FAM120A: variants seen among roughly 807,000 people sequenced by gnomAD.
FAM120A encodes family with sequence similarity 120 member A.
FAM120A carries 15 observed loss-of-function variants against 109.7 expected under a neutral mutation model. The ratio of observed to expected loss-of-function variants is 0.14; its 90% CI spans 0.09 to 0.21. The LOEUF (loss-of-function observed/expected upper bound fraction) is 0.21. Ranked by LOEUF, FAM120A falls within the 10% of genes least tolerant of loss-of-function variation. The pLI, the probability that FAM120A is intolerant of heterozygous loss-of-function variation, is 1.00. For missense variants in FAM120A, 899 were observed against 1,439.3 expected (o/e 0.62, Z 6.07); for synonymous variants, 493 against 572.8 (o/e 0.86, Z 1.99).
chr9:93,504,431 G>A (rs142525415), intron 5 of FAM120A, among the ~76,000 whole-genome samples: 6 of 152,124 alleles, frequency 3.9e-5, no homozygotes, highest in Admixed American at 1.3e-4. Flanking sequence ...ATATGTCTTC[G>A]CTGGTTGCAT....
chr9:93,511,223 C>T (rs1270253553), intron 5 of FAM120A, among the ~76,000 whole-genome samples: 2 of 152,212 alleles, frequency 1.3e-5, no homozygotes, highest in African/African-American at 2.4e-5. Flanking sequence ...ACTTAGCCTT[C>T]TTCAAGCTGA....
At chr9:93,509,902 T>C (rs2131385977) in intron 5 of FAM120A, among the ~76,000 whole-genome samples, 1 of 152,352 alleles carries the variant, frequency 6.6e-6, no homozygotes, top group South Asian at 2.1e-4. Context: ...CTCATACATA[T>C]GGAATAATTA....
intron 12 of FAM120A, among the ~76,000 whole-genome samples, chr9:93,554,851 A>G (rs1345425027): frequency 6.6e-6 from 1 of 152,178 alleles, no homozygotes; most frequent in Admixed American, 6.5e-5. Flanking sequence ...AGAGAGGGGC[A>G]CGGAGGCCCC....
intron 4 of FAM120A, among the ~76,000 whole-genome samples, chr9:93,497,896 TCTTAA>T (rs530620669): frequency 1.3e-5 from 2 of 152,214 alleles, no homozygotes; most frequent in Non-Finnish European, 2.9e-5. Context: ...AAGTTCTCGA[TCTTAA>T]CTTAATAGGA....
At chr9:93,480,426 A>G (rs1165966663) in intron 3 of FAM120A, among the ~76,000 whole-genome samples, 1 of 152,074 alleles carries the variant, frequency 6.6e-6, no homozygotes, top group Non-Finnish European at 1.5e-5. Flanking sequence ...CTCTGTCTCT[A>G]CCCAGGCCCA....
chr9:93,553,640 C>G (rs1258270052), intron 12 of FAM120A, among the ~76,000 whole-genome samples: 1 of 152,034 alleles, frequency 6.6e-6, no homozygotes, highest in Non-Finnish European at 1.5e-5. Context: ...TATTTTATCT[C>G]AATTGATATA....
intron 2 of FAM120A, among the ~76,000 whole-genome samples, chr9:93,474,719 G>A (rs993080115): frequency 6.6e-6 from 1 of 151,986 alleles, no homozygotes; most frequent in African/African-American, 2.4e-5. Flanking sequence ...TCAGCCTCCC[G>A]AGTAGCTGGG....
chr9:93,485,618 A>G (rs1187163471), intron 3 of FAM120A, among the ~76,000 whole-genome samples: 1 of 152,090 alleles, frequency 6.6e-6, no homozygotes, highest in Non-Finnish European at 1.5e-5. Context: ...AAAAAGAAGC[A>G]GAGGGCTTGC....
chr9:93,496,119 A>G (rs1208243895), intron 3 of FAM120A, among the ~76,000 whole-genome samples: 1 of 152,146 alleles, frequency 6.6e-6, no homozygotes, highest in Non-Finnish European at 1.5e-5. Flanking sequence ...TCTAATTCTG[A>G]TTCTCTTGCT....
At chr9:93,557,224 G>A (rs1862316679) in intron 13 of FAM120A, among the ~76,000 whole-genome samples, 1 of 147,904 alleles carries the variant, frequency 6.8e-6, no homozygotes, top group East Asian at 2.0e-4. Flanking sequence ...CCACCTCCCA[G>A]GTTCAAGTGA....
At chr9:93,558,098 G>A (rs1862355571) in intron 14 of FAM120A, 88 bp downstream of exon 14, 1 of 1,320,372 alleles carries the variant, frequency 7.6e-7, no homozygotes, top group African/African-American at 1.5e-5. Flanking sequence ...CCCATCTGCT[G>A]TGTTGACCTT....
At chr9:93,475,474 G>A (rs577302308) in intron 2 of FAM120A, among the ~76,000 whole-genome samples, 4 of 152,276 alleles carry the variant, frequency 2.6e-5, no homozygotes, top group Admixed American at 2.6e-4. Flanking sequence ...TAATGTGGAG[G>A]TGATTAAGTA....
intron 5 of FAM120A, among the ~76,000 whole-genome samples, chr9:93,514,593 C>G (rs1277297041): frequency 6.6e-6 from 1 of 152,212 alleles, no homozygotes; most frequent in African/African-American, 2.4e-5. Context: ...CTCCTTTCAT[C>G]CCCAGGCCCA....
intron 3 of FAM120A, among the ~76,000 whole-genome samples, chr9:93,491,105 A>G (rs1588833378): frequency 6.6e-6 from 1 of 152,106 alleles, no homozygotes; most frequent in Non-Finnish European, 1.5e-5. Flanking sequence ...CCAGGGGCTC[A>G]CCCTGCGTGG....
chr9:93,491,230 G>C (rs1407301245), intron 3 of FAM120A, among the ~76,000 whole-genome samples: 1 of 152,116 alleles, frequency 6.6e-6, no homozygotes, highest in Non-Finnish European at 1.5e-5. Context: ...GCAGCCTCTT[G>C]GAGGTTTTTT....
chr9:93,558,252 T>A (rs551199625), intron 14 of FAM120A, among the ~76,000 whole-genome samples: 1 of 152,368 alleles, frequency 6.6e-6, no homozygotes, highest in East Asian at 1.9e-4. Context: ...CTGAAAACTC[T>A]GCTCACATTT....
chr9:93,518,366 T>C (rs1363020538), intron 7 of FAM120A, among the ~76,000 whole-genome samples: 1 of 152,232 alleles, frequency 6.6e-6, no homozygotes, highest in Non-Finnish European at 1.5e-5. Flanking sequence ...CAGTGTATAA[T>C]GTGCCCCTTA....
Position 93,452,487 on chromosome 9 carries a change from G to T in FAM120A, c.474+98G>T. The stretch of plus-strand genomic sequence containing the variant: ...AATGTCGCCCGGCCGTGGCGGCGCT[G>T]GGGGCAGCGAGTTCCCCCAGCCCTT... On this transcript the variant is annotated intron_variant, in intron 1 of 17. Coordinates refer to ENST00000277165, the MANE Select transcript of FAM120A (RefSeq NM_014612.5). The surrounding 1 kb of genome is among the most constrained non-coding windows in gnomAD (Gnocchi z 7.0). 2 of 1,544,206 alleles carry T rather than the reference G, an allele frequency of 1.3e-6. No homozygotes were observed. The highest frequency in any genetic ancestry group is 2.7e-5 in the African/African-American group (2 of 73,438).
At chr9:93,463,536 A>T (rs972266182) in intron 1 of FAM120A, among the ~76,000 whole-genome samples, 1 of 152,204 alleles carries the variant, frequency 6.6e-6, no homozygotes, top group Non-Finnish European at 1.5e-5. Context: ...TAATGTTCTT[A>T]TTCTTCAGTT....
Sources: allele counts gnomAD v4.1 joint callset (sites outside exome capture counted in the v4.1 genomes callset), GRCh38; gene constraint gnomAD v4.1.1; non-coding constraint Gnocchi (gnomAD v3.1); transcripts MANE v1.5; gene names NCBI Gene and HGNC (gene_info 2026-07-23, HGNC 2026-07-21).